The following STT3B variants were observed in gnomAD, a reference collection of about 807,000 sequenced individuals.
STT3B encodes STT3 oligosaccharyltransferase complex catalytic subunit B, also known as dolichyl-diphosphooligosaccharide--protein glycosyltransferase subunit STT3B.
A neutral mutation model predicts 96.8 loss-of-function variants in STT3B; 29 were observed. The observed-to-expected ratio is 0.30, with a 90% CI of 0.22 to 0.41. The LOEUF is 0.41. STT3B is among the 10% of genes least tolerant of loss of function. The probability of loss-of-function intolerance (pLI) is 1.00; values close to 1 mark genes in which losing one functional copy is unlikely to be tolerated. For missense variants in STT3B, 640 were observed against 1,022.3 expected, an observed-to-expected ratio of 0.63 and a Z score of 5.10; for synonymous variants, 367 against 360.0, an observed-to-expected ratio of 1.02 and a Z score of -0.22.
At chr3:31,618,057 T>C in intron 8 of STT3B, 69 bp downstream of exon 8, 1 of 1,096,132 alleles carries the variant, frequency 9.1e-7, no homozygotes, top group South Asian at 1.3e-5. Context: ...TTTATCTGTT[T>C]TGTCAGTGTT....
At chr3:31,559,145 G>GT (rs1697796838) in intron 1 of STT3B, among the ~76,000 whole-genome samples, 2 of 72,432 alleles carry the variant, frequency 2.8e-5, no homozygotes, top group Non-Finnish European at 5.4e-5. Flanking sequence ...TTGATTCTTG[G>GT]GGTGTGTGTG....
At chr3:31,543,990 A>G (rs963975788) in intron 1 of STT3B, among the ~76,000 whole-genome samples, 40 of 152,250 alleles carry the variant, frequency 2.6e-4, no homozygotes, top group Admixed American at 1.4e-3. Context: ...GATGACAGCA[A>G]TAGAAGTAAA....
chr3:31,595,389 T>A (rs1698763366), intron 3 of STT3B, among the ~76,000 whole-genome samples: 1 of 152,174 alleles, frequency 6.6e-6, no homozygotes, highest in Non-Finnish European at 1.5e-5. Context: ...AGCTCAGCTG[T>A]TTTCTGTTTT....
chr3:31,622,420 CTG>C lies in STT3B; in HGVS notation c.1539+115_1539+116del, dbSNP rs1020274486. The C allele has an allele frequency of 8.4e-6, 8 of 956,468 alleles. No homozygotes were observed. In the Admixed American group the frequency reaches 1.0e-4, roughly 12 times the overall value. The allele number at this position is 956,468 out of a possible 1,614,324, so 59.2% of individuals were successfully genotyped here. On this transcript the variant is annotated intron_variant, in intron 10 of 15. Transcript: ENST00000295770. ...GTTATTAAATGATGATTTGGACAAA[CTG>C]TGACTTTTCTAGTTGGTCTCCACTG...
chr3:31,548,821 C>T (rs1352925037), intron 1 of STT3B, among the ~76,000 whole-genome samples: 3 of 152,106 alleles, frequency 2.0e-5, no homozygotes, highest in African/African-American at 7.2e-5. Context: ...TATTATTTTG[C>T]CAAAGTATGT....
intron 1 of STT3B, among the ~76,000 whole-genome samples, chr3:31,552,289 T>C (rs1697580800): frequency 6.6e-6 from 1 of 152,334 alleles, no homozygotes; most frequent in African/African-American, 2.4e-5. Context: ...AAAATATTGA[T>C]TGAATACCTC....
At chr3:31,560,495 C>A (rs930232517) in intron 1 of STT3B, among the ~76,000 whole-genome samples, 3 of 152,020 alleles carry the variant, frequency 2.0e-5, no homozygotes, top group African/African-American at 7.2e-5. Flanking sequence ...TATTTTATTT[C>A]TCCTTCATTT....
chr3:31,540,966 C>A (rs954256550), intron 1 of STT3B, among the ~76,000 whole-genome samples: 6 of 152,036 alleles, frequency 3.9e-5, no homozygotes, highest in African/African-American at 1.5e-4. Flanking sequence ...TAGACTATAC[C>A]CAGTTTAAGA....
At chr3:31,553,092 A>C (rs1697608711) in intron 1 of STT3B, among the ~76,000 whole-genome samples, 1 of 139,154 alleles carries the variant, frequency 7.2e-6, no homozygotes, top group Non-Finnish European at 1.5e-5. Flanking sequence ...ACAGAGCGAA[A>C]CTCCGTCTCA....
chr3:31,606,781 G>A (rs1461665816), intron 5 of STT3B, among the ~76,000 whole-genome samples: 3 of 152,188 alleles, frequency 2.0e-5, no homozygotes, highest in African/African-American at 7.2e-5. Flanking sequence ...GAGAGCTACC[G>A]TCTTCCAGAC....
rs36120315 is a variant in STT3B, at chr3:31,631,784, TA to T, written c.2188-1139del. On this transcript the variant is annotated intron_variant, in intron 14 of 15. Transcript: ENST00000295770. ...AAGATGGCGAAACCCAGTCTCTGTT[TA>T]AAAAAAAAAAATGGAAAAAAAAGTT... 7.9e-4 allele frequency among the ~76,000 whole-genome samples: 114 copies of T among 144,502 alleles called. 1 individual carries two copies. Among genetic ancestry groups the T allele is most frequent in the Middle Eastern group, 7.2e-3 (2 of 276 alleles). 94.8% of individuals were successfully genotyped at this position (144,502 alleles called of 152,430 possible). A position where few individuals can be genotyped will look rare whatever the true frequency, so the allele number is the denominator to read the frequency against.
intron 11 of STT3B, among the ~76,000 whole-genome samples, chr3:31,624,278 T>G (rs1699487751): frequency 6.6e-6 from 1 of 152,246 alleles, no homozygotes; most frequent in Non-Finnish European, 1.5e-5. Context: ...AAGCTCTGTA[T>G]TTGAATCTAC....
intron 3 of STT3B, among the ~76,000 whole-genome samples, chr3:31,583,007 T>G (rs150438882): frequency 7.0e-4 from 107 of 152,344 alleles, no homozygotes; most frequent in Non-Finnish European, 1.3e-3. Flanking sequence ...AGAAGAATTG[T>G]GTATGCTGTC....
chr3:31,542,513 A>G (rs377739088), intron 1 of STT3B, among the ~76,000 whole-genome samples: 2 of 152,288 alleles, frequency 1.3e-5, no homozygotes, highest in Non-Finnish European at 2.9e-5. Context: ...GTCTTTCTTC[A>G]AACTCTGTTT....
chr3:31,591,057 T>G lies in STT3B; in HGVS notation c.712-5741T>G, dbSNP rs76517853. On this transcript the variant is annotated intron_variant, in intron 3 of 15. Transcript: ENST00000295770. Reference sequence around the variant, plus strand: ...ATCGTTTTTCTTTTCAAGTTCTATCTTCAACAATATGGTTGGAGATTTCAA... The same window carrying G: ...ATCGTTTTTCTTTTCAAGTTCTATCGTCAACAATATGGTTGGAGATTTCAA... Among the ~76,000 whole-genome samples the G allele has an allele frequency of 6.5e-3, 984 of 152,228 alleles. 17 individuals carry two copies. Among genetic ancestry groups the G allele is most frequent in the African/African-American group, 0.022 (934 of 41,578 alleles).
intron 3 of STT3B, among the ~76,000 whole-genome samples, chr3:31,582,706 G>A (rs1295423271): frequency 2.0e-5 from 3 of 151,640 alleles, no homozygotes; most frequent in Non-Finnish European, 4.4e-5. Context: ...TTTTCCCTTA[G>A]TACTACTTTG....
At chr3:31,588,160 C>T (rs926392494) in intron 3 of STT3B, among the ~76,000 whole-genome samples, 1 of 152,046 alleles carries the variant, frequency 6.6e-6, no homozygotes, top group African/African-American at 2.4e-5. Context: ...AACCAAAACA[C>T]AAGATGGCCC....
At chr3:31,563,846 C>T (rs1697937962) in intron 1 of STT3B, among the ~76,000 whole-genome samples, 1 of 152,046 alleles carries the variant, frequency 6.6e-6, no homozygotes, top group Non-Finnish European at 1.5e-5. Context: ...GCTCTGTCAC[C>T]CAGGCTGGAG....
At position 31,579,843 on chromosome 3, in the gene STT3B, T is replaced by C; in HGVS notation, c.458T>C (p.Ile153Thr). The change falls in exon 3 of 16, where the codon ATT becomes ACT. Residue 153 changes from isoleucine (I) to threonine (T), a missense_variant. Ile to Thr is a moderately conservative substitution (Grantham distance 89). Transcript: ENST00000295770. ...GGGTTGATGATAACCGCTGGCCTTA[T>C]TCATTGGATTTTAAATACATTGAAC... The part of the protein sequence containing the change: ...YPGLMITAGL[I>T]HWILNTLNIT... The C allele has an allele frequency of 6.2e-7, 1 of 1,613,760 alleles. No homozygotes were observed. Among genetic ancestry groups the C allele is most frequent in the Non-Finnish European group, 8.5e-7 (1 of 1,179,730 alleles).
Sources: allele counts gnomAD v4.1 joint callset (sites outside exome capture counted in the v4.1 genomes callset), GRCh38; gene constraint gnomAD v4.1.1; transcripts MANE v1.5; gene names NCBI Gene and HGNC (gene_info 2026-07-23, HGNC 2026-07-21).